VPS13A: variants seen among roughly 807,000 people sequenced by gnomAD.
The protein encoded by VPS13A is vacuolar protein sorting 13 homolog A, also known as intermembrane lipid transfer protein VPS13A.
Under a neutral mutation model 390.9 loss-of-function variants are expected in VPS13A, and 264 were observed. The ratio of observed to expected loss-of-function variants is 0.68; its 90% CI spans 0.61 to 0.75. The LOEUF (loss-of-function observed/expected upper bound fraction) is 0.75, where lower values mean the gene tolerates loss of function less well. Among genes scored for constraint, VPS13A ranks in the 30% least tolerant of loss-of-function variants. The pLI, the probability that VPS13A is intolerant of heterozygous loss-of-function variation, is 0.00. For synonymous variants in VPS13A, 1,231 were observed against 1,227.1 expected (o/e 1.00, Z -0.07); for missense variants, 3,409 against 3,733.9 (o/e 0.91, Z 2.27).
chr9:77,359,491 C>A, intron 58 of VPS13A, 89 bp downstream of exon 58: 1 of 1,154,720 alleles, frequency 8.7e-7, no homozygotes, highest in Non-Finnish European at 1.3e-6. Flanking sequence ...TTGGACAAGT[C>A]AAAGATTTAA....
At position 77,282,112 on chromosome 9, in the gene VPS13A, G is replaced by C. The variant is rs2131346957; in HGVS notation, c.2965-9G>C. 6.2e-7 allele frequency: 1 copy of C among 1,612,942 alleles called. No individual in the cohort carries two copies. Among genetic ancestry groups the C allele is most frequent in the Non-Finnish European group, 8.5e-7 (1 of 1,179,328 alleles). Reference sequence around the variant, plus strand: ...TTGACCTATCACTAAAATCAGCTTTGTTCTTTAGGTAAATTTTTCCTCTTT... The same window carrying C: ...TTGACCTATCACTAAAATCAGCTTTCTTCTTTAGGTAAATTTTTCCTCTTT... On this transcript the variant is annotated splice_polypyrimidine_tract_variant and intron_variant, in intron 28 of 71. Transcript: ENST00000360280.
At chr9:77,303,737 G>C (rs968679777) in intron 34 of VPS13A, among the ~76,000 whole-genome samples, 15 of 152,152 alleles carry the variant, frequency 9.9e-5, no homozygotes, top group Non-Finnish European at 1.5e-4. Flanking sequence ...GGTACCATGA[G>C]TGGACGTGCA....
At chr9:77,293,593 CCTTG>C (rs1827801009) in intron 32 of VPS13A, 85 bp downstream of exon 32, 1 of 800,730 alleles carries the variant, frequency 1.2e-6, no homozygotes, top group African/African-American at 1.8e-5. Flanking sequence ...AGTAAGAATT[CCTTG>C]CTTGAGATTT....
At chr9:77,321,051 C>A in intron 42 of VPS13A, 118 bp from the exon 43 acceptor site, 1 of 941,280 alleles carries the variant, frequency 1.1e-6, no homozygotes, top group Non-Finnish European at 1.6e-6. Context: ...GGCAATAGAA[C>A]TTACTGAAAT....
chr9:77,188,903 C>T (rs1313737869), intron 1 of VPS13A, among the ~76,000 whole-genome samples: 2 of 151,764 alleles, frequency 1.3e-5, no homozygotes, highest in East Asian at 1.9e-4. Flanking sequence ...GTTTCTTGGC[C>T]GCATGTGTCT....
intron 23 of VPS13A, among the ~76,000 whole-genome samples, chr9:77,272,068 G>C (rs532269491): frequency 6.6e-6 from 1 of 152,240 alleles, no homozygotes; most frequent in East Asian, 1.9e-4. Flanking sequence ...TGCTGCTGCT[G>C]CTTCCAAAAT....
At chr9:77,184,025 G>A (rs1359648289) in intron 1 of VPS13A, among the ~76,000 whole-genome samples, 2 of 152,152 alleles carry the variant, frequency 1.3e-5, no homozygotes, top group African/African-American at 4.8e-5. Context: ...AAATACTTCA[G>A]CATGTGTATC....
intron 3 of VPS13A, 50 bp from the exon 4 acceptor site, chr9:77,205,263 T>C: frequency 9.6e-7 from 1 of 1,044,212 alleles, no homozygotes. Context: ...TAAATGCAGG[T>C]TGAAGGAGTA....
rs751974264 is a variant in VPS13A at position 77,220,396 on chromosome 9, ATT to A, written c.989+27_989+28del. The A allele has an allele frequency of 3.1e-3, 3,971 of 1,274,698 alleles. No individual in the cohort carries two copies. Among genetic ancestry groups the A allele is most frequent in the Non-Finnish European group, 3.5e-3 (3,264 of 922,150 alleles). 79.0% of individuals were successfully genotyped at this position (1,274,698 alleles called of 1,614,324 possible). A position where few individuals can be genotyped will look rare whatever the true frequency, so the allele number is the denominator to read the frequency against. On this transcript the variant is annotated intron_variant, in intron 12 of 71. Coordinates refer to ENST00000360280, the MANE Select transcript of VPS13A (RefSeq NM_033305.3). ...ATGCCAGAGAATGGTAAATGCCTTG[ATT>A]TTTTTTTTTTTTTAGATTTTAAAAA...
intron 58 of VPS13A, among the ~76,000 whole-genome samples, chr9:77,359,843 G>C (rs1832043704): frequency 1.3e-5 from 2 of 150,546 alleles, no homozygotes; most frequent in African/African-American, 4.9e-5. Context: ...GGCGGCTCTG[G>C]ATGAAATACA....
chr9:77,409,729 C>T lies in VPS13A; in HGVS notation c.9474+2122C>T, dbSNP rs141121280. On this transcript the variant is annotated intron_variant, in intron 71 of 71. Coordinates refer to ENST00000360280, the MANE Select transcript of VPS13A (RefSeq NM_033305.3). Reference sequence around the variant, plus strand: ...GGAAGATGAAATGAATGAAATGAAGCGAGAAGAGAAGTTTAGAGAAAAAAG... The same window carrying T: ...GGAAGATGAAATGAATGAAATGAAGTGAGAAGAGAAGTTTAGAGAAAAAAG... Among the ~76,000 whole-genome samples, 910 of 150,866 alleles carry T rather than the reference C, an allele frequency of 6.0e-3. 11 individuals carry two copies. The highest frequency in any genetic ancestry group is 0.012 in the South Asian group (59 of 4,788).
At chr9:77,367,928 C>T in intron 61 of VPS13A, 127 bp from the exon 62 acceptor site, 1 of 846,712 alleles carries the variant, frequency 1.2e-6, no homozygotes, top group African/African-American at 1.7e-5. Flanking sequence ...TCCTGATTGG[C>T]ATGGGAAAAT....
intron 25 of VPS13A, 87 bp downstream of exon 25, chr9:77,275,739 C>T (rs1826624838): frequency 7.0e-7 from 1 of 1,436,066 alleles, no homozygotes; most frequent in South Asian, 1.2e-5. Flanking sequence ...TGTTAAGAAG[C>T]ACTATCTTTT....
At chr9:77,280,586 T>C (rs1355124993) in intron 27 of VPS13A, among the ~76,000 whole-genome samples, 1 of 152,144 alleles carries the variant, frequency 6.6e-6, no homozygotes, top group Non-Finnish European at 1.5e-5. Context: ...TTTTCCACTG[T>C]TTTGTGAAGT....
Position 77,351,463 on chromosome 9 carries a change from T to C in VPS13A, c.7419+17T>C. The C allele has an allele frequency of 6.2e-7, 1 of 1,611,734 alleles. No individual in the cohort carries two copies. The highest frequency in any genetic ancestry group is 8.5e-7 in the Non-Finnish European group (1 of 1,178,378). On this transcript the variant is annotated intron_variant, in intron 53 of 71. Coordinates refer to ENST00000360280, the MANE Select transcript of VPS13A (RefSeq NM_033305.3). ...CAGAAGGATGTAAGTATTGGGTTATTATGGTGTTCCCAGCAGCCTTTTTTA... is the reference window on the plus strand; with the variant it reads ...CAGAAGGATGTAAGTATTGGGTTATCATGGTGTTCCCAGCAGCCTTTTTTA...
intron 1 of VPS13A, among the ~76,000 whole-genome samples, chr9:77,191,731 C>T (rs761170543): frequency 1.3e-5 from 2 of 152,176 alleles, no homozygotes; most frequent in Non-Finnish European, 2.9e-5. Flanking sequence ...TTTTATTGCA[C>T]TGTCATCTTG....
At chr9:77,313,620 T>A (rs575515624) in intron 35 of VPS13A, among the ~76,000 whole-genome samples, 1 of 152,338 alleles carries the variant, frequency 6.6e-6, no homozygotes, top group African/African-American at 2.4e-5. Context: ...TTTTAGTTTT[T>A]TAAAGTAAAA....
At chr9:77,281,544 G>A (rs573830743) in intron 27 of VPS13A, among the ~76,000 whole-genome samples, 6 of 152,112 alleles carry the variant, frequency 3.9e-5, no homozygotes, top group African/African-American at 1.2e-4. Flanking sequence ...AGGAAGAACC[G>A]TACAGAGTTG....
intron 70 of VPS13A, 70 bp downstream of exon 70, chr9:77,406,057 T>C: frequency 6.3e-7 from 1 of 1,584,080 alleles, no homozygotes; most frequent in South Asian, 1.1e-5. Context: ...TCCTTTTTAT[T>C]TGTATAATGC....
Sources: allele counts gnomAD v4.1 joint callset (sites outside exome capture counted in the v4.1 genomes callset), GRCh38; gene constraint gnomAD v4.1.1; transcripts MANE v1.5; gene names NCBI Gene and HGNC (gene_info 2026-07-23, HGNC 2026-07-21).